Variants in CEP170 observed in about 807,000 individuals in gnomAD.
CEP170 encodes centrosomal protein of 170 kDa.
A neutral mutation model predicts 151.9 loss-of-function variants in CEP170; 21 were observed. The ratio of observed to expected loss-of-function variants is 0.14; its 90% CI spans 0.10 to 0.20. CEP170 has a LOEUF of 0.20. CEP170 is among the 10% of genes least tolerant of loss of function. The pLI is 1.00. For synonymous variants in CEP170, 356 were observed against 648.8 expected (o/e 0.55, Z 6.86); for missense variants, 964 against 1,892.9 (o/e 0.51, Z 9.11).
At chr1:243,192,225 C>A (rs1049429134) in intron 7 of CEP170, among the ~76,000 whole-genome samples, 1 of 152,068 alleles carries the variant, frequency 6.6e-6, no homozygotes, top group African/African-American at 2.4e-5. Context: ...GTTTACATTT[C>A]CATACAGCAG....
At chr1:243,234,412 G>A (rs1374052178) in intron 1 of CEP170, among the ~76,000 whole-genome samples, 39 of 152,200 alleles carry the variant, frequency 2.6e-4, no homozygotes, top group Non-Finnish European at 2.9e-5. Flanking sequence ...AATCGTAGGA[G>A]AAAGATGATC....
intron 1 of CEP170, among the ~76,000 whole-genome samples, chr1:243,254,670 A>AG (rs1358850910): frequency 6.6e-6 from 1 of 151,708 alleles, no homozygotes; most frequent in East Asian, 1.9e-4. Flanking sequence ...GCTACGGCGG[A>AG]GGGGGGAGGG....
intron 3 of CEP170, among the ~76,000 whole-genome samples, chr1:243,216,807 GA>G (rs894083804): frequency 6.6e-6 from 1 of 152,120 alleles, no homozygotes; most frequent in African/African-American, 2.4e-5. Context: ...GTAATACAAA[GA>G]AAATTCAAAG....
chr1:243,147,107 C>T (rs1293109127), intron 14 of CEP170, among the ~76,000 whole-genome samples: 3 of 152,126 alleles, frequency 2.0e-5, no homozygotes, highest in Admixed American at 6.5e-5. Context: ...ATTCTTATTA[C>T]TACACTGCCT....
intron 10 of CEP170, among the ~76,000 whole-genome samples, chr1:243,181,353 A>T (rs556610697): frequency 6.6e-6 from 1 of 152,176 alleles, no homozygotes. Flanking sequence ...AAAACTTAAG[A>T]GGTCTTTATC....
At chr1:243,218,052 T>C (rs10926971) in intron 3 of CEP170, among the ~76,000 whole-genome samples, 49,083 of 152,102 alleles carry the variant, frequency 0.32, 8,212 homozygotes, top group South Asian at 0.54. Context: ...CATGACACAA[T>C]TGATAGTATA....
intron 14 of CEP170, among the ~76,000 whole-genome samples, chr1:243,154,941 T>C (rs1269871911): frequency 6.6e-6 from 1 of 152,096 alleles, no homozygotes; most frequent in Non-Finnish European, 1.5e-5. Flanking sequence ...CTGGACATCT[T>C]TTTCAAGGGA....
intron 14 of CEP170, among the ~76,000 whole-genome samples, chr1:243,148,528 C>T (rs933454173): frequency 2.2e-4 from 34 of 152,114 alleles, no homozygotes; most frequent in African/African-American, 7.5e-4. Context: ...GAGCTGAGAT[C>T]GCGCCACTAC....
intron 7 of CEP170, among the ~76,000 whole-genome samples, chr1:243,198,674 T>A (rs2060820309): frequency 6.6e-6 from 1 of 152,060 alleles, no homozygotes; most frequent in Admixed American, 6.6e-5. Context: ...AAAATATGAT[T>A]ATATTCTGGG....
At chr1:243,216,247 A>C (rs954774212) in intron 3 of CEP170, among the ~76,000 whole-genome samples, 1 of 152,130 alleles carries the variant, frequency 6.6e-6, no homozygotes, top group African/African-American at 2.4e-5. Context: ...ACATGTGCAC[A>C]ATGTGCAGGT....
At chr1:243,182,806 A>T (rs2059708779) in intron 10 of CEP170, among the ~76,000 whole-genome samples, 1 of 152,174 alleles carries the variant, frequency 6.6e-6, no homozygotes, top group Non-Finnish European at 1.5e-5. Flanking sequence ...GGCAATATTT[A>T]TTGAGGACAT....
intron 3 of CEP170, among the ~76,000 whole-genome samples, chr1:243,220,047 T>C (rs1366440510): frequency 6.6e-6 from 1 of 152,242 alleles, no homozygotes; most frequent in Non-Finnish European, 1.5e-5. Context: ...TACAACAGTT[T>C]CTACCTACTT....
chr1:243,186,460 A>G, intron 8 of CEP170, 38 bp from the exon 9 acceptor site: 1 of 1,549,350 alleles, frequency 6.5e-7, no homozygotes, highest in Non-Finnish European at 8.7e-7. Flanking sequence ...GAGAAGGAAA[A>G]AGTCCCATGT....
At chr1:243,129,629 T>C (rs1192323180) in intron 17 of CEP170, among the ~76,000 whole-genome samples, 176 bp from the exon 18 acceptor site, 1 of 152,164 alleles carries the variant, frequency 6.6e-6, no homozygotes, top group Non-Finnish European at 1.5e-5. Flanking sequence ...TTCATGTGTA[T>C]GAGCTCCAAT....
intron 7 of CEP170, among the ~76,000 whole-genome samples, chr1:243,196,684 A>G (rs1368316181): frequency 6.6e-6 from 1 of 152,120 alleles, no homozygotes; most frequent in Non-Finnish European, 1.5e-5. Context: ...TTAATCACCT[A>G]ATTGGTAAAT....
At chr1:243,219,429 T>C (rs1247079049) in intron 3 of CEP170, among the ~76,000 whole-genome samples, 2 of 152,204 alleles carry the variant, frequency 1.3e-5, no homozygotes, top group African/African-American at 4.8e-5. Flanking sequence ...GGTCCTGATT[T>C]CAAGCTTAAA....
chr1:243,221,179 C>T (rs554639918), intron 3 of CEP170, among the ~76,000 whole-genome samples: 8 of 152,280 alleles, frequency 5.3e-5, no homozygotes, highest in African/African-American at 1.9e-4. Flanking sequence ...AGCCCGCCAC[C>T]ACACCCGGCT....
At chr1:243,198,309 C>G (rs1013044058) in intron 7 of CEP170, among the ~76,000 whole-genome samples, 3 of 152,108 alleles carry the variant, frequency 2.0e-5, no homozygotes, top group African/African-American at 4.8e-5. Flanking sequence ...GACTGAACCA[C>G]TCCATTAACA....
At chr1:243,238,597 T>A (rs2064485313) in intron 1 of CEP170, among the ~76,000 whole-genome samples, 1 of 152,244 alleles carries the variant, frequency 6.6e-6, no homozygotes, top group Admixed American at 6.5e-5. Context: ...TAATGGTAGA[T>A]CATTTTTTAA....
Sources: allele counts gnomAD v4.1 joint callset (sites outside exome capture counted in the v4.1 genomes callset), GRCh38; gene constraint gnomAD v4.1.1; transcripts MANE v1.5; gene names NCBI Gene and HGNC (gene_info 2026-07-23, HGNC 2026-07-21).